RBFOX3: variants seen among roughly 807,000 people sequenced by gnomAD.
RBFOX3 encodes RNA binding protein fox-1 homolog 3.
RBFOX3 carries 17 observed loss-of-function variants against 48.7 expected under a neutral mutation model. The ratio of observed to expected loss-of-function variants is 0.35; its 90% confidence interval spans 0.24 to 0.52. RBFOX3 has a LOEUF of 0.52. RBFOX3 is among the 20% of genes least tolerant of loss of function. RBFOX3 has a pLI of 0.94. For synonymous variants in RBFOX3, 212 were observed against 209.5 expected (o/e 1.01, Z -0.10); for missense variants, 382 against 497.5 (o/e 0.77, Z 2.21).
chr17:79,334,339 A>G (rs1467700926), intron 2 of RBFOX3, among the ~76,000 whole-genome samples: 30 of 152,158 alleles, frequency 2.0e-4, no homozygotes, highest in Admixed American at 2.0e-3. Context: ...TGGCATCCAG[A>G]CAACAAAGTG....
intron 3 of RBFOX3, among the ~76,000 whole-genome samples, chr17:79,288,219 G>A (rs569951522): frequency 1.3e-5 from 2 of 152,228 alleles, no homozygotes; most frequent in Admixed American, 6.5e-5. Context: ...GTCCCCTCTC[G>A]GGGCCAGGGA....
intron 2 of RBFOX3, among the ~76,000 whole-genome samples, chr17:79,427,012 C>T (rs1555725883): frequency 6.6e-6 from 1 of 152,142 alleles, no homozygotes; most frequent in African/African-American, 2.4e-5. Flanking sequence ...CCCCGGAGTC[C>T]CTTTTCTTAG....
intron 3 of RBFOX3, among the ~76,000 whole-genome samples, chr17:79,275,907 C>T (rs918881136): frequency 1.3e-5 from 2 of 152,232 alleles, no homozygotes; most frequent in African/African-American, 4.8e-5. Context: ...TATGTTCAAA[C>T]AACTAGCTGC....
rs1243608678 is a variant in RBFOX3, at chr17:79,477,318, A to T, written c.-175+5136T>A. Among the ~76,000 whole-genome samples, 2 of 148,378 alleles carry T rather than the reference A, an allele frequency of 1.3e-5. No individual in the cohort carries two copies. Among genetic ancestry groups the T allele is most frequent in the East Asian group, 2.0e-4 (1 of 5,002 alleles). Reference sequence around the variant, plus strand: ...ACACCTGTAATCCCAGCACTTTGGGAGGCCAAGGCAGGTGGATCACGAGGT... The same window carrying T: ...ACACCTGTAATCCCAGCACTTTGGGTGGCCAAGGCAGGTGGATCACGAGGT... On this transcript the variant is annotated intron_variant, in intron 2 of 14. Coordinates refer to ENST00000693108, the MANE Select transcript of RBFOX3 (RefSeq NM_001350451.2). The surrounding 1 kb of genome is among the most constrained non-coding windows in gnomAD (Gnocchi z 4.8).
Position 79,103,134 on chromosome 17 carries a change from C to T in RBFOX3, c.507+28G>A, listed in dbSNP as rs1196155812. 3.3e-6 allele frequency: 5 copies of T among 1,519,410 alleles called. No homozygotes were observed. Among genetic ancestry groups the T allele is most frequent in the Non-Finnish European group, 4.5e-6 (5 of 1,118,236 alleles). 94.1% of individuals were successfully genotyped at this position (1,519,410 alleles called of 1,614,324 possible). A position where few individuals can be genotyped will look rare whatever the true frequency, so the allele number is the denominator to read the frequency against. ...GGGCAGGTGGGCGATCTTGGGGCATCCCTGCCGCAGCACACTTATCTGAGC... is the reference window on the plus strand; with the variant it reads ...GGGCAGGTGGGCGATCTTGGGGCATTCCTGCCGCAGCACACTTATCTGAGC... On this transcript the variant is annotated intron_variant, in intron 8 of 14. Transcript: ENST00000693108. The surrounding 1 kb of genome is among the most constrained non-coding windows in gnomAD (Gnocchi z 6.1).
At position 79,555,178 on chromosome 17, in the gene RBFOX3, CTG is replaced by C. The variant is rs1269394975; in HGVS notation, c.-320+55646_-320+55647del. 2.0e-5 allele frequency among the ~76,000 whole-genome samples: 3 copies of C among 152,224 alleles called. No homozygotes were observed. The South Asian group carries it at 6.2e-4, about 31-fold the overall frequency. On this transcript the variant is annotated intron_variant, in intron 1 of 14. Transcript: ENST00000693108. ...GAGTATCCATATCCCCAATGGATGACTGTAAAAATCACATGGGTGATAGCTAT... is the reference window on the plus strand; with the variant it reads ...GAGTATCCATATCCCCAATGGATGACTAAAAATCACATGGGTGATAGCTAT...
rs185688371 is a variant in RBFOX3, at chr17:79,403,629, G to C, written c.-175+78825C>G. On this transcript the variant is annotated intron_variant, in intron 2 of 14. Coordinates refer to ENST00000693108, the MANE Select transcript of RBFOX3 (RefSeq NM_001350451.2). ...GGACAGCTTCGGTGGGAAAGTCCCT[G>C]GTGGCTTTCCTGGCTTGGGCAGGGC... Among the ~76,000 whole-genome samples, 14 of 152,302 alleles carry C rather than the reference G, an allele frequency of 9.2e-5. No individual in the cohort carries two copies. The East Asian group carries it at 2.7e-3, about 29-fold the overall frequency.
At chr17:79,191,650 G>GT (rs1187176507) in intron 4 of RBFOX3, among the ~76,000 whole-genome samples, 6 of 152,230 alleles carry the variant, frequency 3.9e-5, no homozygotes, top group Non-Finnish European at 7.3e-5. Flanking sequence ...GCGGCGGGAG[G>GT]TAGGGGTGCA....
At position 79,212,296 on chromosome 17, in the gene RBFOX3, C is replaced by T. The variant is rs2058482617; in HGVS notation, c.-34+23470G>A. On this transcript the variant is annotated intron_variant, in intron 4 of 14. Coordinates refer to ENST00000693108, the MANE Select transcript of RBFOX3 (RefSeq NM_001350451.2). This position sits in a 1 kb window ranked among gnomAD's most constrained non-coding sequence, Gnocchi z 4.7. ...CTGGGGCAGGGCTGCTCCGCCTGGG[C>T]TCCTACGTGACTCCTTTCTCCTCCT... Among the ~76,000 whole-genome samples, 1 of 152,136 alleles carries T rather than the reference C, an allele frequency of 6.6e-6. No individual in the cohort carries two copies. The highest frequency in any genetic ancestry group is 1.5e-5 in the Non-Finnish European group (1 of 68,000).
chr17:79,224,447 T>G (rs971641603), intron 4 of RBFOX3, among the ~76,000 whole-genome samples: 4 of 152,242 alleles, frequency 2.6e-5, no homozygotes, highest in African/African-American at 7.2e-5. Flanking sequence ...CACACAGCGC[T>G]GGTCCCTGGG....
intron 4 of RBFOX3, among the ~76,000 whole-genome samples, chr17:79,152,248 TGGGGCCTGGCCACCCCC>T (rs1182164533): frequency 1.3e-5 from 2 of 152,074 alleles, no homozygotes; most frequent in African/African-American, 2.4e-5. Context: ...CTCTAGCACC[TGGGGCCTGGCCACCCCC>T]GGGGCGAGAC....
the RBFOX3 span, among the ~76,000 whole-genome samples, chr17:79,636,041 G>A: frequency 2.0e-5 from 3 of 152,106 alleles, 1 homozygote; most frequent in African/African-American, 7.2e-5. Context: ...CCTTTGATCT[G>A]AAAATTCCAT....
chr17:79,268,181 G>A (rs1016828729), intron 3 of RBFOX3, among the ~76,000 whole-genome samples: 2 of 151,936 alleles, frequency 1.3e-5, no homozygotes, highest in African/African-American at 4.8e-5. Context: ...GTCTGCGAGG[G>A]TGTCCCCTGT....
chr17:79,301,743 C>T (rs1289009912), intron 3 of RBFOX3, among the ~76,000 whole-genome samples: 4 of 152,192 alleles, frequency 2.6e-5, no homozygotes, highest in Non-Finnish European at 5.9e-5. Flanking sequence ...ATGCGGTTCC[C>T]CCACCCATAC....
chr17:79,560,822 G>A (rs920910312), intron 1 of RBFOX3, among the ~76,000 whole-genome samples: 24 of 152,324 alleles, frequency 1.6e-4, no homozygotes, highest in Admixed American at 1.3e-3. Flanking sequence ...GGTGGCATGC[G>A]GAGGACTTCA....
chr17:79,213,004 G>C (rs938678514), intron 4 of RBFOX3, among the ~76,000 whole-genome samples: 2 of 151,214 alleles, frequency 1.3e-5, no homozygotes, highest in African/African-American at 4.8e-5. Context: ...ACAGGCATGC[G>C]CCTGTAATGC....
chr17:79,531,156 G>A (rs960697339), intron 1 of RBFOX3, among the ~76,000 whole-genome samples: 5 of 152,216 alleles, frequency 3.3e-5, no homozygotes, highest in South Asian at 2.1e-4. Context: ...GGTGCTACAC[G>A]GAAAAGCCCC....
intron 4 of RBFOX3, among the ~76,000 whole-genome samples, chr17:79,134,857 G>T (rs2039802807): frequency 6.6e-6 from 1 of 152,224 alleles, no homozygotes; most frequent in African/African-American, 2.4e-5. Context: ...GGGCCTGGAA[G>T]AGGGGTCTGG....
chr17:79,632,718 A>G, the RBFOX3 span, among the ~76,000 whole-genome samples: 1 of 149,650 alleles, frequency 6.7e-6, no homozygotes, highest in African/African-American at 2.5e-5. Flanking sequence ...AGCCTGGGCA[A>G]CATAGCAAGA....
Sources: gnomAD v4.1 joint callset for allele counts (sites outside exome capture counted in the v4.1 genomes callset) on GRCh38, gnomAD v4.1.1 for gene constraint, Gnocchi (gnomAD v3.1) non-coding constraint, MANE v1.5 for transcripts, NCBI Gene and HGNC (gene_info 2026-07-23, HGNC 2026-07-21) for gene names.